Variants in RHOA observed in about 807,000 individuals in gnomAD.
RHOA encodes the protein transforming protein RhoA.
In RHOA, 3 loss-of-function variants were observed where a neutral mutation model predicts 17.5. The ratio of observed to expected loss-of-function variants is 0.17; its 90% CI spans 0.08 to 0.44. The LOEUF (loss-of-function observed/expected upper bound fraction) is 0.44, where lower values mean the gene tolerates loss of function less well. RHOA is among the 20% of genes least tolerant of loss of function. The probability of loss-of-function intolerance (pLI) is 0.99; values close to 1 mark genes in which losing one functional copy is unlikely to be tolerated. For synonymous variants in RHOA, 98 were observed against 88.4 expected (o/e 1.11, Z -0.61); for missense variants, 56 against 242.3 (o/e 0.23, Z 5.10).
intron 1 of RHOA, among the ~76,000 whole-genome samples, chr3:49,393,595 CTT>C (rs34715210): frequency 0.028 from 2,720 of 97,898 alleles, 131 homozygotes; most frequent in African/African-American, 0.067. Context: ...ACTGCACTGG[CTT>C]TTTTTTTTTT....
chr3:49,376,425 C>G (rs950603111), intron 1 of RHOA, among the ~76,000 whole-genome samples: 2 of 149,906 alleles, frequency 1.3e-5, no homozygotes, highest in African/African-American at 4.9e-5. Flanking sequence ...GGGTGGATCA[C>G]GAGGTCAGGA....
Position 49,360,499 on chromosome 3 carries a change from C to T in RHOA, c.409-117G>A, listed in dbSNP as rs546459179. 3.6e-4 allele frequency: 403 copies of T among 1,114,706 alleles called. 3 individuals carry two copies. The East Asian group carries it at 0.01, about 29-fold the overall frequency. The allele number at this position is 1,114,706 out of a possible 1,614,324, so 69.1% of individuals were successfully genotyped here. On this transcript the variant is annotated intron_variant, in intron 4 of 4. Transcript: ENST00000418115. ...TTTCTTTTTTTGAGACAGTTTTGCT[C>T]GTCGGTCGCCCAGGCTGGAGGGCAA...
chr3:49,372,210 TA>T (rs1361685083), intron 2 of RHOA, among the ~76,000 whole-genome samples: 2 of 152,142 alleles, frequency 1.3e-5, no homozygotes, highest in African/African-American at 4.8e-5. Context: ...TGTGTCCATA[TA>T]AAACCAGTTT....
chr3:49,402,184 G>C (rs1047596626), intron 1 of RHOA, among the ~76,000 whole-genome samples: 59 of 152,022 alleles, frequency 3.9e-4, no homozygotes, highest in African/African-American at 1.7e-4. Flanking sequence ...AATATTATAA[G>C]GTTAACCTTC....
chr3:49,402,088 G>A (rs922735808), intron 1 of RHOA, among the ~76,000 whole-genome samples: 3 of 152,136 alleles, frequency 2.0e-5, no homozygotes, highest in African/African-American at 7.2e-5. Flanking sequence ...AGTTCTTTGG[G>A]GAAAGACAGG....
intron 1 of RHOA, among the ~76,000 whole-genome samples, chr3:49,391,771 A>G (rs2048513413): frequency 1.3e-5 from 2 of 151,248 alleles, no homozygotes; most frequent in Non-Finnish European, 2.9e-5. Context: ...TCAGCCTCCC[A>G]AAGTGCTGGG....
At chr3:49,410,942 G>C (rs548013270) in intron 1 of RHOA, among the ~76,000 whole-genome samples, 16 of 152,264 alleles carry the variant, frequency 1.1e-4, no homozygotes, top group Non-Finnish European at 1.6e-4. Flanking sequence ...ATTTTCCACC[G>C]TAAACTACTA....
At chr3:49,391,384 T>C (rs1431235843) in intron 1 of RHOA, among the ~76,000 whole-genome samples, 3 of 133,672 alleles carry the variant, frequency 2.2e-5, no homozygotes, top group East Asian at 4.0e-4. Flanking sequence ...AGAGTGAGAA[T>C]CCGTCAAAAA....
chr3:49,366,747 G>C (rs1312595907), intron 3 of RHOA: 4 of 152,212 alleles, frequency 2.6e-5, no homozygotes, highest in African/African-American at 7.2e-5. Flanking sequence ...CCTTAAACAA[G>C]TGGCTCAATA....
intron 1 of RHOA, among the ~76,000 whole-genome samples, chr3:49,411,146 GT>G (rs941871377): frequency 4.7e-5 from 7 of 148,498 alleles, no homozygotes; most frequent in Non-Finnish European, 9.0e-5. Context: ...TTTGTGTGTT[GT>G]TTTTTTTTTC....
intron 1 of RHOA, among the ~76,000 whole-genome samples, chr3:49,387,575 C>G (rs1224585435): frequency 6.6e-6 from 1 of 151,486 alleles, no homozygotes; most frequent in East Asian, 1.9e-4. Flanking sequence ...AACCCCGTCT[C>G]TACTAAAAAT....
intron 1 of RHOA, among the ~76,000 whole-genome samples, chr3:49,396,761 A>G (rs1213946603): frequency 6.6e-6 from 1 of 152,024 alleles, no homozygotes; most frequent in East Asian, 1.9e-4. Flanking sequence ...CTGAGGTGGG[A>G]GAACTGCTTA....
intron 2 of RHOA, among the ~76,000 whole-genome samples, chr3:49,370,157 G>A (rs1042726072): frequency 2.0e-5 from 3 of 152,146 alleles, no homozygotes; most frequent in African/African-American, 7.2e-5. Flanking sequence ...TGAGGTGGGA[G>A]GACTGCTTGA....
At chr3:49,393,638 C>A in intron 1 of RHOA, among the ~76,000 whole-genome samples, 4 of 80,928 alleles carry the variant, frequency 4.9e-5, no homozygotes, top group Non-Finnish European at 4.6e-5. Flanking sequence ...GCCTCAAGAA[C>A]AGTTAGGACC....
chr3:49,410,287 T>A (rs1488652324), intron 1 of RHOA, among the ~76,000 whole-genome samples: 1 of 152,152 alleles, frequency 6.6e-6, no homozygotes, highest in African/African-American at 2.4e-5. Context: ...TTTACTTAAG[T>A]CTCTGGGACT....
intron 1 of RHOA, among the ~76,000 whole-genome samples, chr3:49,404,322 C>T (rs1294796129): frequency 6.8e-6 from 1 of 147,424 alleles, no homozygotes; most frequent in Non-Finnish European, 1.5e-5. Context: ...AAGCCAGGCG[C>T]AGTGGCTCAC....
chr3:49,372,815 T>C (rs1178850224), intron 2 of RHOA, among the ~76,000 whole-genome samples: 1 of 151,782 alleles, frequency 6.6e-6, no homozygotes, highest in African/African-American at 2.4e-5. Context: ...GAAAGCGCTT[T>C]GGTGCTGCCA....
At chr3:49,367,729 C>CT (rs1183260982) in intron 3 of RHOA, among the ~76,000 whole-genome samples, 1 of 151,814 alleles carries the variant, frequency 6.6e-6, no homozygotes, top group Non-Finnish European at 1.5e-5. Context: ...ACCATGTTGC[C>CT]TAGGCTGGTC....
At chr3:49,374,882 C>T (rs924112803) in intron 2 of RHOA, among the ~76,000 whole-genome samples, 9 of 152,038 alleles carry the variant, frequency 5.9e-5, no homozygotes, top group Admixed American at 2.0e-4. Context: ...CGTAGTGAAA[C>T]CCCATTTCTA....
Sources: allele counts gnomAD v4.1 joint callset (sites outside exome capture counted in the v4.1 genomes callset), GRCh38; gene constraint gnomAD v4.1.1; transcripts MANE v1.5; gene names NCBI Gene and HGNC (gene_info 2026-07-23, HGNC 2026-07-21).